IL1RAPL1: variants seen among roughly 807,000 people sequenced by gnomAD.
IL1RAPL1 encodes interleukin-1 receptor accessory protein-like 1.
A neutral mutation model predicts 48.4 loss-of-function variants in IL1RAPL1; 3 were observed. The ratio of observed to expected loss-of-function variants is 0.06; its 90% CI spans 0.03 to 0.16. The LOEUF is 0.16. IL1RAPL1 is among the 10% of genes least tolerant of loss of function. The pLI, the probability that IL1RAPL1 is intolerant of heterozygous loss-of-function variation, is 1.00. For synonymous variants in IL1RAPL1, 185 were observed against 187.7 expected, an observed-to-expected ratio of 0.99 and a Z score of 0.12; for missense variants, 349 against 530.6, an observed-to-expected ratio of 0.66 and a Z score of 3.36.
intron 1 of IL1RAPL1, among the ~76,000 whole-genome samples, chrX:28,768,478 T>C (rs1000037198): frequency 2.6e-4 from 28 of 109,238 alleles, no homozygotes; most frequent in Middle Eastern, 4.7e-3. Context: ...AGTGTATAGA[T>C]TGTGTTTGTG....
At chrX:28,967,845 C>A (rs1250816717) in intron 2 of IL1RAPL1, among the ~76,000 whole-genome samples, 1 of 111,991 alleles carries the variant, frequency 8.9e-6, no homozygotes, top group Non-Finnish European at 1.9e-5. Context: ...TTTAAATAAT[C>A]CCTAAGGGGT....
intron 5 of IL1RAPL1, among the ~76,000 whole-genome samples, chrX:29,553,242 A>C (rs1921877693): frequency 9.0e-6 from 1 of 111,722 alleles, no homozygotes; most frequent in African/African-American, 3.3e-5. Context: ...GATTTATGTT[A>C]ATATGGCTAG....
intron 6 of IL1RAPL1, among the ~76,000 whole-genome samples, chrX:29,746,857 C>T (rs181092408): frequency 8.9e-6 from 1 of 112,627 alleles, no homozygotes; most frequent in East Asian, 2.8e-4. Context: ...ATCCACCCGT[C>T]TTGGCCTTCC....
At chrX:29,173,278 TTAAA>T (rs1439592229) in intron 2 of IL1RAPL1, among the ~76,000 whole-genome samples, 1 of 112,017 alleles carries the variant, frequency 8.9e-6, no homozygotes, top group Non-Finnish European at 1.9e-5. Context: ...AAATAAACAC[TTAAA>T]TAAAGTATTA....
chrX:28,926,104 A>G (rs778094897), intron 2 of IL1RAPL1, among the ~76,000 whole-genome samples: 1 of 112,219 alleles, frequency 8.9e-6, no homozygotes, highest in South Asian at 3.7e-4. Context: ...TAAGTTCATT[A>G]TAATTAAACA....
At chrX:28,965,313 G>C (rs913818556) in intron 2 of IL1RAPL1, among the ~76,000 whole-genome samples, 3 of 111,161 alleles carry the variant, frequency 2.7e-5, no homozygotes, top group African/African-American at 9.8e-5. Context: ...TACAGAATTT[G>C]GGTTAGGTTC....
chrX:29,482,947 C>T (rs988094709), intron 5 of IL1RAPL1, among the ~76,000 whole-genome samples: 18 of 112,038 alleles, frequency 1.6e-4, no homozygotes, highest in East Asian at 5.6e-4. Context: ...TTTGTGTTTA[C>T]GTTAGAAAGA....
At chrX:28,704,538 G>A (rs1195304346) in intron 1 of IL1RAPL1, among the ~76,000 whole-genome samples, 1 of 106,602 alleles carries the variant, frequency 9.4e-6, no homozygotes, top group African/African-American at 3.4e-5. Context: ...CCAACATAAA[G>A]GTCACTTCTC....
At position 29,406,245 on chromosome X, in the gene IL1RAPL1, C is replaced by G. The variant is rs558779403; in HGVS notation, c.703+6937C>G. 1.3e-4 allele frequency among the ~76,000 whole-genome samples: 14 copies of G among 110,349 alleles called. No homozygotes were observed. The South Asian group carries it at 2.3e-3, about 18-fold the overall frequency. ...TCTACTAAAAATACAAAAAATTAGC[C>G]GGGCGTGGTGGTGGGCGCCTGTAGT... On this transcript the variant is annotated intron_variant, in intron 5 of 10. Coordinates refer to ENST00000378993, the MANE Select transcript of IL1RAPL1 (RefSeq NM_014271.4).
chrX:28,809,826 AATC>A (rs1936772250), intron 2 of IL1RAPL1, among the ~76,000 whole-genome samples: 1 of 108,897 alleles, frequency 9.2e-6, no homozygotes, highest in East Asian at 2.9e-4. Flanking sequence ...AAGCTATTTA[AATC>A]ATCCTAGCAA....
At chrX:29,213,053 C>T (rs894240437) in intron 2 of IL1RAPL1, among the ~76,000 whole-genome samples, 1 of 111,296 alleles carries the variant, frequency 9.0e-6, no homozygotes, top group East Asian at 2.8e-4. Context: ...GGCTGGAGTG[C>T]GATGGCACAA....
rs771146051 is a variant in IL1RAPL1, at chrX:29,428,109, G to A, written c.703+28801G>A. On this transcript the variant is annotated intron_variant, in intron 5 of 10. Transcript: ENST00000378993. Reference sequence around the variant, plus strand: ...GGCAGTTTCAGTCACAAGTATTTAAGAGCAGAGACAACCACCCAGGAATTC... The same window carrying A: ...GGCAGTTTCAGTCACAAGTATTTAAAAGCAGAGACAACCACCCAGGAATTC... 1.6e-4 allele frequency among the ~76,000 whole-genome samples: 18 copies of A among 111,915 alleles called. No individual in the cohort carries two copies. In the South Asian group the frequency reaches 6.7e-3, roughly 42 times the overall value.
intron 6 of IL1RAPL1, among the ~76,000 whole-genome samples, chrX:29,904,130 A>G (rs751604799): frequency 8.9e-6 from 1 of 112,125 alleles, no homozygotes. Context: ...TCTTAGCTCT[A>G]TCACTTGTGT....
chrX:28,799,039 C>T (rs1187734482), intron 2 of IL1RAPL1, among the ~76,000 whole-genome samples: 2 of 111,665 alleles, frequency 1.8e-5, no homozygotes, highest in Non-Finnish European at 3.8e-5. Context: ...AAATGATTTC[C>T]AGACGTAAAG....
chrX:29,192,155 G>A (rs748144426), intron 2 of IL1RAPL1, among the ~76,000 whole-genome samples: 1 of 111,640 alleles, frequency 9.0e-6, no homozygotes. Context: ...GACACGACTC[G>A]CAGGCATATG....
intron 2 of IL1RAPL1, among the ~76,000 whole-genome samples, chrX:29,257,403 C>G (rs1047030193): frequency 1.8e-5 from 2 of 111,588 alleles, no homozygotes; most frequent in Non-Finnish European, 3.8e-5. Context: ...CTATTTACAT[C>G]TCTCTGTTCT....
chrX:29,821,553 G>A (rs900833473), intron 6 of IL1RAPL1, among the ~76,000 whole-genome samples: 2 of 112,209 alleles, frequency 1.8e-5, no homozygotes, highest in East Asian at 5.6e-4. Flanking sequence ...TTTTCTTCAG[G>A]TCACTTACAA....
At chrX:29,092,805 G>A (rs908050373) in intron 2 of IL1RAPL1, among the ~76,000 whole-genome samples, 4 of 111,791 alleles carry the variant, frequency 3.6e-5, no homozygotes, top group Non-Finnish European at 5.6e-5. Flanking sequence ...ATGACTAGCA[G>A]TGAGAATCAC....
At chrX:29,083,812 A>G (rs1927894396) in intron 2 of IL1RAPL1, among the ~76,000 whole-genome samples, 1 of 112,231 alleles carries the variant, frequency 8.9e-6, no homozygotes, top group Non-Finnish European at 1.9e-5. Flanking sequence ...GATAAAGGTT[A>G]TATACAGAGA....
Sources: allele counts gnomAD v4.1 joint callset (sites outside exome capture counted in the v4.1 genomes callset), GRCh38; gene constraint gnomAD v4.1.1; transcripts MANE v1.5; gene names NCBI Gene and HGNC (gene_info 2026-07-23, HGNC 2026-07-21).